Variants in SFRP4 observed in about 807,000 individuals in gnomAD.
SFRP4 encodes secreted frizzled related protein 4.
Under a neutral mutation model 36.3 loss-of-function variants are expected in SFRP4, and 25 were observed. The ratio of observed to expected loss-of-function variants is 0.69; its 90% CI spans 0.50 to 0.96. The LOEUF (loss-of-function observed/expected upper bound fraction) is 0.96. SFRP4 is among the 40% of genes least tolerant of loss of function. SFRP4 has a pLI of 0.00. For synonymous variants in SFRP4, 182 were observed against 168.8 expected (o/e 1.08, Z -0.60); for missense variants, 487 against 459.6 (o/e 1.06, Z -0.54).
rs1785402781 is a variant in SFRP4, at chr7:37,906,849, G to T, written c.*630C>A. 1 of 151,984 alleles carries T rather than the reference G, an allele frequency of 6.6e-6. No homozygotes were observed. The highest frequency in any genetic ancestry group is 2.4e-5 in the African/African-American group (1 of 41,392). 9.4% of individuals were successfully genotyped at this position (151,984 alleles called of 1,614,324 possible). A position where few individuals can be genotyped will look rare whatever the true frequency, so the allele number is the denominator to read the frequency against. On this transcript the variant is annotated 3_prime_UTR_variant, in exon 6 of 6. Transcript: ENST00000436072. ...CTTTATTATTATTTTTGTTTTTAGA[G>T]TTTCTAGCTAAAAACAGAGCTGAAG...
rs947584055 is a variant in SFRP4 at position 37,909,743 on chromosome 7, A to T, written c.792-63T>A. ...CAAAAGTAAACAGCTAAAAATACAG[A>T]AATTGTAAAAAAATTATTCAATAAT... On this transcript the variant is annotated intron_variant, in intron 4 of 5. Transcript: ENST00000436072. 4 of 907,766 alleles carry T rather than the reference A, an allele frequency of 4.4e-6. No individual in the cohort carries two copies. In the African/African-American group the frequency reaches 5.0e-5, roughly 11 times the overall value. The allele number at this position is 907,766 out of a possible 1,614,324, so 56.2% of individuals were successfully genotyped here.
Position 37,907,654 on chromosome 7 carries a change from T to A in SFRP4, c.866A>T (p.Glu289Val). ...TGTTCTCCGCTGTTCCTGCAGCCTCTCTTCCCACTGCTGAAAAGCAATTTG... is the reference window on the plus strand; with the variant it reads ...TGTTCTCCGCTGTTCCTGCAGCCTCACTTCCCACTGCTGAAAAGCAATTTG... ...QLSKRSIQWE[E>V]RLQEQRRTVQ... The change falls in exon 6 of 6, where the codon GAG (glutamate) becomes GTG (valine). Residue 289 changes from glutamate to valine, a missense_variant. Transcript: ENST00000436072. The A allele has an allele frequency of 1.2e-6, 2 of 1,609,338 alleles. No homozygotes were observed. Among genetic ancestry groups the A allele is most frequent in the Non-Finnish European group, 1.7e-6 (2 of 1,178,114 alleles).
Position 37,909,779 on chromosome 7 carries a change from A to G in SFRP4, c.792-99T>C, listed in dbSNP as rs573317982. On this transcript the variant is annotated intron_variant, in intron 4 of 5. Transcript: ENST00000436072. ...AAATTATTCAATAATCCTTTACCCC[A>G]TAATCCACACATCCACCATTTATAT... is the stretch of plus-strand genomic sequence containing the variant. 1.1e-5 allele frequency: 7 copies of G among 615,090 alleles called. No individual in the cohort carries two copies. In the East Asian group the frequency reaches 1.8e-4, roughly 15 times the overall value. The allele number at this position is 615,090 out of a possible 1,614,324, so 38.1% of individuals were successfully genotyped here. A position where few individuals can be genotyped will look rare whatever the true frequency, so the allele number is the denominator to read the frequency against.
intron 1 of SFRP4, among the ~76,000 whole-genome samples, chr7:37,915,043 C>A (rs1393598936): frequency 1.3e-5 from 2 of 152,104 alleles, no homozygotes; most frequent in Non-Finnish European, 2.9e-5. Context: ...TATATACAAC[C>A]AAACTGGATA....
chr7:37,913,896 G>A (rs781501630), intron 3 of SFRP4, among the ~76,000 whole-genome samples: 25 of 152,276 alleles, frequency 1.6e-4, no homozygotes, highest in Non-Finnish European at 3.2e-4. Context: ...GAGAACAGGT[G>A]GGGTGTGCCA....
chr7:37,907,204 A>C lies in SFRP4; in HGVS notation c.*275T>G. ...TTTTCCCTACTCTTCTAGAGTATGC[A>C]CACAGGTTACTCTGAATGCAATGCA... On this transcript the variant is annotated 3_prime_UTR_variant, in exon 6 of 6. Coordinates refer to ENST00000436072, the MANE Select transcript of SFRP4 (RefSeq NM_003014.4). 3.2e-6 allele frequency: 1 copy of C among 316,818 alleles called. No individual in the cohort carries two copies. The highest frequency in any genetic ancestry group is 5.7e-6 in the Non-Finnish European group (1 of 174,842). 19.6% of individuals were successfully genotyped at this position (316,818 alleles called of 1,614,324 possible). A position where few individuals can be genotyped will look rare whatever the true frequency, so the allele number is the denominator to read the frequency against.
rs949850374 is a variant in SFRP4, at chr7:37,906,904, C to T, written c.*575G>A. 6.6e-6 allele frequency: 1 copy of T among 152,142 alleles called. No homozygotes were observed. The highest frequency in any genetic ancestry group is 6.6e-5 in the Admixed American group (1 of 15,262). 9.4% of individuals were successfully genotyped at this position (152,142 alleles called of 1,614,324 possible). On this transcript the variant is annotated 3_prime_UTR_variant, in exon 6 of 6. Coordinates refer to ENST00000436072, the MANE Select transcript of SFRP4 (RefSeq NM_003014.4). ...TGTAAAAAAGACACATTATAGTTTTCCATATGCTACTTCTCTAGATTTTTC... is the reference window on the plus strand; with the variant it reads ...TGTAAAAAAGACACATTATAGTTTTTCATATGCTACTTCTCTAGATTTTTC...
In SFRP4 at chr7:37,909,709, T is replaced by C. The variant is rs778931657; in HGVS notation, c.792-29A>G. 4.5e-6 allele frequency: 6 copies of C among 1,328,860 alleles called. No individual in the cohort carries two copies. In the Admixed American group the frequency reaches 1.1e-4, roughly 25 times the overall value. 82.3% of individuals were successfully genotyped at this position (1,328,860 alleles called of 1,614,324 possible). A position where few individuals can be genotyped will look rare whatever the true frequency, so the allele number is the denominator to read the frequency against. On this transcript the variant is annotated intron_variant, in intron 4 of 5. Transcript: ENST00000436072. ...AAAAAAAATTATCTTAGTAAACAGA[T>C]TTTTATTACAAAAGTAAACAGCTAA...
At chr7:37,914,188 T>A (rs748807809) in intron 3 of SFRP4, 25 bp downstream of exon 3, 1 of 1,588,128 alleles carries the variant, frequency 6.3e-7, no homozygotes, top group East Asian at 2.2e-5. Context: ...GTCTCAAAAG[T>A]AAATGGCTTT....
intron 2 of SFRP4, 27 bp downstream of exon 2, chr7:37,914,346 G>A (rs778568685): frequency 6.2e-7 from 1 of 1,610,194 alleles, no homozygotes; most frequent in Non-Finnish European, 8.5e-7. Context: ...GAGAAGTAGA[G>A]GGAACGTCCA....
chr7:37,907,534 T>C lies in SFRP4; in HGVS notation c.986A>G (p.Lys329Arg). 1 of 1,613,912 alleles carries C rather than the reference T, an allele frequency of 6.2e-7. No individual in the cohort carries two copies. Among genetic ancestry groups the C allele is most frequent in the Non-Finnish European group, 8.5e-7 (1 of 1,179,888 alleles). Residue 329 changes from lysine (K) to arginine (R), a missense_variant, in exon 6 of 6, where the codon AAG (lysine) becomes AGG (arginine). Coordinates refer to ENST00000436072, the MANE Select transcript of SFRP4 (RefSeq NM_003014.4). ...GGCACTCCTAGTTTTAATGTTCTTC[T>C]TGGGACTGGCTGGTTTGGGAGCAGG... ...KPPAPKPASPKKNIKTRSAQK... is the reference protein window; with the variant it reads ...KPPAPKPASPRKNIKTRSAQK...
intron 3 of SFRP4, among the ~76,000 whole-genome samples, chr7:37,912,611 CAT>C (rs1171116945): frequency 6.6e-6 from 1 of 152,186 alleles, no homozygotes; most frequent in Non-Finnish European, 1.5e-5. Flanking sequence ...TTCACAGAAA[CAT>C]ATATTTGTAT....
chr7:37,914,680 T>C (rs1785546938), intron 1 of SFRP4, among the ~76,000 whole-genome samples: 2 of 152,102 alleles, frequency 1.3e-5, no homozygotes, highest in African/African-American at 4.8e-5. Flanking sequence ...GTCTGGCCAA[T>C]ATGGTGAAAC....
Position 37,909,605 on chromosome 7 carries a change from C to A in SFRP4, c.855+12G>T. On this transcript the variant is annotated intron_variant, in intron 5 of 5. Transcript: ENST00000436072. ...TTACATCCATCTTCACAGCATTGTT[C>A]ATGATACTTACTATGGATCTTTTAC... The A allele has an allele frequency of 6.6e-7, 1 of 1,511,422 alleles. No homozygotes were observed. Among genetic ancestry groups the A allele is most frequent in the South Asian group, 1.3e-5 (1 of 78,964 alleles). 93.6% of individuals were successfully genotyped at this position (1,511,422 alleles called of 1,614,324 possible).
intron 3 of SFRP4, among the ~76,000 whole-genome samples, chr7:37,913,170 G>A (rs1339944159): frequency 6.6e-6 from 1 of 152,082 alleles, no homozygotes; most frequent in Non-Finnish European, 1.5e-5. Flanking sequence ...CATAGAGCAG[G>A]CTTTAAGAAA....
At chr7:37,910,450 T>C (rs1785465365) in intron 4 of SFRP4, among the ~76,000 whole-genome samples, 1 of 152,014 alleles carries the variant, frequency 6.6e-6, no homozygotes, top group Non-Finnish European at 1.5e-5. Flanking sequence ...TTTTCAAGTA[T>C]GTTTCTCAAT....
chr7:37,911,382 A>C (rs779700508), intron 4 of SFRP4, among the ~76,000 whole-genome samples: 1 of 152,186 alleles, frequency 6.6e-6, no homozygotes, highest in Non-Finnish European at 1.5e-5. Flanking sequence ...GTTATGTAAA[A>C]CTGAGTGATT....
chr7:37,911,788 C>G (rs570388546), intron 4 of SFRP4, among the ~76,000 whole-genome samples: 29 of 152,236 alleles, frequency 1.9e-4, no homozygotes, highest in Admixed American at 1.0e-3. Context: ...CTTAAAAGTT[C>G]AGTATGTGCC....
intron 4 of SFRP4, 141 bp downstream of exon 4, chr7:37,911,978 T>G: frequency 1.9e-6 from 1 of 536,116 alleles, no homozygotes; most frequent in Non-Finnish European, 3.3e-6. Context: ...TATATGCTAT[T>G]CAAACAGAGG....
Sources: allele counts gnomAD v4.1 joint callset (sites outside exome capture counted in the v4.1 genomes callset), GRCh38; gene constraint gnomAD v4.1.1; transcripts MANE v1.5; gene names NCBI Gene and HGNC (gene_info 2026-07-23, HGNC 2026-07-21).